The following GPR176 variants were observed in gnomAD, a reference collection of about 807,000 sequenced individuals.
The protein encoded by GPR176 is G protein-coupled receptor 176, also known as G-protein coupled receptor 176.
A neutral mutation model predicts 35.4 loss-of-function variants in GPR176; 26 were observed. That is an observed-to-expected ratio of 0.74 (90% CI 0.54 to 1.02). GPR176 has a LOEUF of 1.02. GPR176 is among the 50% of genes least tolerant of loss of function. The pLI, the probability that GPR176 is intolerant of heterozygous loss-of-function variation, is 0.00. For synonymous variants in GPR176, 278 were observed against 271.3 expected, an observed-to-expected ratio of 1.02 and a Z score of -0.24; for missense variants, 597 against 665.3, an observed-to-expected ratio of 0.90 and a Z score of 1.13.
chr15:39,855,376 C>A (rs187852617), intron 1 of GPR176, among the ~76,000 whole-genome samples: 1 of 152,262 alleles, frequency 6.6e-6, no homozygotes, highest in Admixed American at 6.5e-5. Flanking sequence ...TTCAAATAAG[C>A]CCTGGTCCTA....
chr15:39,822,822 G>C (rs969489005), intron 1 of GPR176, among the ~76,000 whole-genome samples: 4 of 152,166 alleles, frequency 2.6e-5, no homozygotes, highest in Non-Finnish European at 5.9e-5. Context: ...GTCCAACCGT[G>C]ATTTTTCCCT....
At chr15:39,917,560 T>A (rs898052605) in intron 1 of GPR176, among the ~76,000 whole-genome samples, 1 of 151,754 alleles carries the variant, frequency 6.6e-6, no homozygotes, top group Non-Finnish European at 1.5e-5. Flanking sequence ...GGTCTCAAAC[T>A]CCTGATCTCA....
At chr15:39,896,891 A>C (rs1195048318) in intron 1 of GPR176, among the ~76,000 whole-genome samples, 2 of 152,260 alleles carry the variant, frequency 1.3e-5, no homozygotes, top group Admixed American at 1.3e-4. Flanking sequence ...AGAGAGGAAT[A>C]GATTTGTGTG....
intron 1 of GPR176, among the ~76,000 whole-genome samples, chr15:39,878,135 T>TGTGTGTGC (rs1555408567): frequency 2.0e-5 from 3 of 148,704 alleles, no homozygotes; most frequent in African/African-American, 7.5e-5. Context: ...TGTGTGTGTG[T>TGTGTGTGC]TGAGAACATT....
intron 1 of GPR176, among the ~76,000 whole-genome samples, chr15:39,889,336 T>C (rs2032780834): frequency 6.6e-6 from 1 of 151,934 alleles, no homozygotes. Context: ...TCACCTGAGG[T>C]TGGAAATTCG....
At chr15:39,814,692 G>T (rs994654848) in intron 1 of GPR176, among the ~76,000 whole-genome samples, 3 of 152,174 alleles carry the variant, frequency 2.0e-5, no homozygotes, top group African/African-American at 7.2e-5. Context: ...CTATAGAAGT[G>T]TTCCAAGTGG....
intron 1 of GPR176, among the ~76,000 whole-genome samples, chr15:39,894,272 A>G (rs2033010755): frequency 1.0e-5 from 1 of 100,008 alleles, no homozygotes; most frequent in Non-Finnish European, 2.3e-5. Context: ...TGACCCCCCC[A>G]CCTCCCTCCC....
intron 1 of GPR176, among the ~76,000 whole-genome samples, chr15:39,848,631 A>G (rs2030618039): frequency 6.6e-6 from 1 of 152,184 alleles, no homozygotes; most frequent in Non-Finnish European, 1.5e-5. Context: ...ACCACAATGG[A>G]ATCAAACTAG....
At chr15:39,918,843 A>T (rs566039099) in intron 1 of GPR176, among the ~76,000 whole-genome samples, 22 of 152,350 alleles carry the variant, frequency 1.4e-4, no homozygotes, top group African/African-American at 5.3e-4. Context: ...ATAGTCTATT[A>T]AATGTCAGTT....
chr15:39,864,648 C>G (rs2031752183), intron 1 of GPR176, among the ~76,000 whole-genome samples: 1 of 152,016 alleles, frequency 6.6e-6, no homozygotes, highest in Admixed American at 6.6e-5. Flanking sequence ...GAATTCACGA[C>G]TAACACCTCA....
chr15:39,863,926 T>C (rs2031718352), intron 1 of GPR176, among the ~76,000 whole-genome samples: 2 of 152,218 alleles, frequency 1.3e-5, no homozygotes, highest in Non-Finnish European at 2.9e-5. Context: ...AGCATGACTA[T>C]GTATTGAATA....
intron 1 of GPR176, among the ~76,000 whole-genome samples, chr15:39,878,024 G>A (rs2140845689): frequency 6.6e-6 from 1 of 150,874 alleles, no homozygotes; most frequent in East Asian, 1.9e-4. Flanking sequence ...TATACATGAT[G>A]TTTTGATATA....
At position 39,849,176 on chromosome 15, in the gene GPR176, C is replaced by T. The variant is rs55953744; in HGVS notation, c.173-41918G>A. Among the ~76,000 whole-genome samples the T allele has an allele frequency of 4.3e-3, 650 of 152,126 alleles. 2 individuals are homozygous for T. The highest frequency in any genetic ancestry group is 0.014 in the Middle Eastern group (4 of 294). On this transcript the variant is annotated intron_variant, in intron 1 of 2. Coordinates refer to ENST00000561100, the MANE Select transcript of GPR176 (RefSeq NM_007223.3). The stretch of plus-strand genomic sequence containing the variant: ...CCTGCAGACATCAAGAGCATAATAA[C>T]GAAATAACCATACACACATAAATTT...
intron 1 of GPR176, among the ~76,000 whole-genome samples, chr15:39,917,520 C>T (rs1262188165): frequency 1.3e-5 from 2 of 151,096 alleles, no homozygotes; most frequent in Non-Finnish European, 2.9e-5. Context: ...ATTTTTAGTA[C>T]AGTCGGGATT....
intron 1 of GPR176, among the ~76,000 whole-genome samples, chr15:39,817,752 C>T (rs922180770): frequency 3.9e-5 from 6 of 152,208 alleles, no homozygotes; most frequent in South Asian, 2.1e-4. Flanking sequence ...AACTCCTCAG[C>T]GTAGAGAAGT....
chr15:39,861,228 T>C (rs1016244496), intron 1 of GPR176, among the ~76,000 whole-genome samples: 1 of 152,160 alleles, frequency 6.6e-6, no homozygotes, highest in African/African-American at 2.4e-5. Flanking sequence ...ACTTATAATA[T>C]GCAGAGTGTC....
chr15:39,847,362 A>G (rs2030505032), intron 1 of GPR176, among the ~76,000 whole-genome samples: 1 of 152,198 alleles, frequency 6.6e-6, no homozygotes, highest in Admixed American at 6.5e-5. Context: ...TGATCCAACT[A>G]CACGCTATCT....
chr15:39,839,278 C>T (rs1169255645), intron 1 of GPR176, among the ~76,000 whole-genome samples: 2 of 151,958 alleles, frequency 1.3e-5, no homozygotes, highest in Non-Finnish European at 2.9e-5. Context: ...GTACTGGTAC[C>T]AAAACAGAGA....
At chr15:39,868,885 G>C (rs1253101916) in intron 1 of GPR176, among the ~76,000 whole-genome samples, 1 of 152,026 alleles carries the variant, frequency 6.6e-6, no homozygotes, top group Non-Finnish European at 1.5e-5. Context: ...CCTGTCCGAT[G>C]AGGTAACAGG....
Sources: gnomAD v4.1 joint callset for allele counts (sites outside exome capture counted in the v4.1 genomes callset) on GRCh38, gnomAD v4.1.1 for gene constraint, MANE v1.5 for transcripts, NCBI Gene and HGNC (gene_info 2026-07-23, HGNC 2026-07-21) for gene names.